NKAIN2: variants seen among roughly 807,000 people sequenced by gnomAD.
NKAIN2 encodes the protein sodium/potassium transporting ATPase interacting 2.
Under a neutral mutation model 32.6 loss-of-function variants are expected in NKAIN2, and 14 were observed. That is an observed-to-expected ratio of 0.43 (90% CI 0.28 to 0.67). The LOEUF (loss-of-function observed/expected upper bound fraction) is 0.67. Ranked by LOEUF, NKAIN2 falls within the 30% of genes least tolerant of loss-of-function variation. The probability of loss-of-function intolerance (pLI) is 0.17; values close to 1 mark genes in which losing one functional copy is unlikely to be tolerated. For missense variants in NKAIN2, 198 were observed against 258.3 expected (o/e 0.77, Z 1.60); for synonymous variants, 80 against 87.2 (o/e 0.92, Z 0.46).
chr6:124,209,259 A>G (rs1791050502), intron 1 of NKAIN2, among the ~76,000 whole-genome samples: 1 of 151,750 alleles, frequency 6.6e-6, no homozygotes, highest in African/African-American at 2.4e-5. Context: ...ACTTAACATA[A>G]TGTCCCCCAG....
chr6:124,037,740 T>C (rs1781668393), intron 1 of NKAIN2, among the ~76,000 whole-genome samples: 1 of 152,096 alleles, frequency 6.6e-6, no homozygotes, highest in African/African-American at 2.4e-5. Flanking sequence ...TCGCTAATAT[T>C]TATCTGAAGG....
At chr6:124,480,058 T>C (rs114390283) in intron 3 of NKAIN2, among the ~76,000 whole-genome samples, 3,983 of 152,342 alleles carry the variant, frequency 0.026, 159 homozygotes, top group African/African-American at 0.086. Flanking sequence ...TTATTTTAGA[T>C]GCAGTTCAGG....
rs368918920 is a variant in NKAIN2, at chr6:124,369,735, T to C, written c.273+14388T>C. On this transcript the variant is annotated intron_variant, in intron 3 of 6. Coordinates refer to ENST00000368417, the MANE Select transcript of NKAIN2 (RefSeq NM_001040214.3). The stretch of plus-strand genomic sequence containing the variant: ...CATACCACCCCAGCCCCTGGTGTGC[T>C]TTTGGTCTTTGATAAGTTCTGTGAT... 1.1e-4 allele frequency among the ~76,000 whole-genome samples: 17 copies of C among 152,154 alleles called. No homozygotes were observed. In the East Asian group the frequency reaches 2.3e-3, roughly 21 times the overall value.
chr6:124,494,083 G>A (rs1777975070), intron 3 of NKAIN2, among the ~76,000 whole-genome samples: 1 of 151,962 alleles, frequency 6.6e-6, no homozygotes, highest in African/African-American at 2.4e-5. Context: ...CCAGTTCTTA[G>A]ACAGCAAACT....
chr6:124,797,941 G>T (rs1780075496), intron 5 of NKAIN2, among the ~76,000 whole-genome samples: 1 of 152,086 alleles, frequency 6.6e-6, no homozygotes, highest in Admixed American at 6.6e-5. Context: ...CCATAATTCT[G>T]AGTTCTGATA....
intron 1 of NKAIN2, among the ~76,000 whole-genome samples, chr6:124,125,516 G>A (rs544509821): frequency 6.6e-6 from 1 of 152,236 alleles, no homozygotes; most frequent in Non-Finnish European, 1.5e-5. Context: ...ATTAAATAGG[G>A]CACAAATGAT....
At chr6:123,846,202 G>GGTGT (rs1346844497) in intron 1 of NKAIN2, among the ~76,000 whole-genome samples, 3 of 152,164 alleles carry the variant, frequency 2.0e-5, no homozygotes, top group Admixed American at 1.3e-4. Context: ...ATCATTTCTA[G>GGTGT]GTGTGTGTAA....
At chr6:124,774,669 A>G (rs910416578) in intron 4 of NKAIN2, among the ~76,000 whole-genome samples, 1 of 152,022 alleles carries the variant, frequency 6.6e-6, no homozygotes, top group Non-Finnish European at 1.5e-5. Flanking sequence ...CAGCCTGGCC[A>G]ACATGATGAA....
At chr6:123,883,966 C>T (rs1773591542) in intron 1 of NKAIN2, among the ~76,000 whole-genome samples, 1 of 144,210 alleles carries the variant, frequency 6.9e-6, no homozygotes, top group Admixed American at 6.9e-5. Flanking sequence ...TTATTTTTAA[C>T]TTTTATTTTA....
intron 1 of NKAIN2, among the ~76,000 whole-genome samples, chr6:123,823,005 A>G (rs1773990612): frequency 6.7e-6 from 1 of 149,464 alleles, no homozygotes; most frequent in Non-Finnish European, 1.5e-5. Context: ...ATTCCTTATT[A>G]TATGTTCAAA....
At chr6:124,706,272 A>T (rs1314778244) in intron 4 of NKAIN2, among the ~76,000 whole-genome samples, 1 of 152,096 alleles carries the variant, frequency 6.6e-6, no homozygotes, top group Non-Finnish European at 1.5e-5. Context: ...GGCCTAGGTA[A>T]TATTATTATC....
chr6:124,132,353 T>C (rs1465944298), intron 1 of NKAIN2, among the ~76,000 whole-genome samples: 1 of 152,138 alleles, frequency 6.6e-6, no homozygotes, highest in African/African-American at 2.4e-5. Flanking sequence ...ACAAAAGACA[T>C]AAATTCTTGA....
At chr6:124,720,857 A>T (rs1181916022) in intron 4 of NKAIN2, among the ~76,000 whole-genome samples, 1 of 152,166 alleles carries the variant, frequency 6.6e-6, no homozygotes, top group African/African-American at 2.4e-5. Context: ...GACATAATTA[A>T]ATCTAGGTCC....
At chr6:124,167,857 A>G (rs977137015) in intron 1 of NKAIN2, among the ~76,000 whole-genome samples, 4 of 152,066 alleles carry the variant, frequency 2.6e-5, no homozygotes, top group Non-Finnish European at 2.9e-5. Context: ...GTGATGCATT[A>G]TAGATTCAGT....
At chr6:124,115,719 C>T (rs886634570) in intron 1 of NKAIN2, among the ~76,000 whole-genome samples, 1 of 152,164 alleles carries the variant, frequency 6.6e-6, no homozygotes, top group Admixed American at 6.5e-5. Context: ...GATTCTAAGA[C>T]ACCATCAGTT....
At chr6:124,530,680 T>C (rs914844828) in intron 3 of NKAIN2, among the ~76,000 whole-genome samples, 1 of 152,154 alleles carries the variant, frequency 6.6e-6, no homozygotes, top group African/African-American at 2.4e-5. Context: ...GAAAATCTGA[T>C]AGGTGTAATT....
chr6:123,912,904 A>C (rs72970722), intron 1 of NKAIN2, among the ~76,000 whole-genome samples: 63 of 133,034 alleles, frequency 4.7e-4, no homozygotes, highest in Non-Finnish European at 9.4e-4. Context: ...AATCCATTAA[A>C]TATTGTGATT....
At chr6:124,814,505 T>G (rs1032828382) in intron 5 of NKAIN2, among the ~76,000 whole-genome samples, 1 of 152,128 alleles carries the variant, frequency 6.6e-6, no homozygotes, top group African/African-American at 2.4e-5. Flanking sequence ...ATCAGCATGG[T>G]CCGAATAATC....
At chr6:124,785,118 T>C (rs947763378) in intron 4 of NKAIN2, among the ~76,000 whole-genome samples, 2 of 152,096 alleles carry the variant, frequency 1.3e-5, no homozygotes, top group Non-Finnish European at 2.9e-5. Flanking sequence ...TGAGGCTCTG[T>C]GCATGTTTTC....
Sources: allele counts gnomAD v4.1 joint callset (sites outside exome capture counted in the v4.1 genomes callset), GRCh38; gene constraint gnomAD v4.1.1; transcripts MANE v1.5; gene names NCBI Gene and HGNC (gene_info 2026-07-23, HGNC 2026-07-21).